Variants in CYP4F22 observed in about 807,000 individuals in gnomAD.
CYP4F22 encodes the protein ultra-long-chain fatty acid omega-hydroxylase.
CYP4F22 carries 37 observed loss-of-function variants against 60.4 expected under a neutral mutation model. That is an observed-to-expected ratio of 0.61 (90% CI 0.47 to 0.81). The LOEUF (loss-of-function observed/expected upper bound fraction) is 0.81, where lower values mean the gene tolerates loss of function less well. Among genes scored for constraint, CYP4F22 ranks in the 30% least tolerant of loss-of-function variants. The probability of loss-of-function intolerance (pLI) is 0.00; values close to 1 mark genes in which losing one functional copy is unlikely to be tolerated. For synonymous variants in CYP4F22, 258 were observed against 280.5 expected (o/e 0.92, Z 0.80); for missense variants, 655 against 715.0 (o/e 0.92, Z 0.96).
chr19:15,509,866 T>C (rs1971062794), intron 1 of CYP4F22, among the ~76,000 whole-genome samples: 2 of 95,858 alleles, frequency 2.1e-5, no homozygotes, highest in Admixed American at 1.3e-4. Context: ...CCTTCCTTCC[T>C]TCCTTCCTTC....
chr19:15,511,874 C>T (rs1022614432), intron 1 of CYP4F22, among the ~76,000 whole-genome samples: 5 of 152,344 alleles, frequency 3.3e-5, no homozygotes, highest in Middle Eastern at 3.4e-3. Flanking sequence ...CAAACCAGCG[C>T]GACCTGGGCG....
intron 4 of CYP4F22, among the ~76,000 whole-genome samples, chr19:15,535,405 G>A (rs1971384265): frequency 6.6e-6 from 1 of 152,222 alleles, no homozygotes; most frequent in Non-Finnish European, 1.5e-5. Context: ...GATTGTGTAG[G>A]CAATTGGCCA....
intron 1 of CYP4F22, chr19:15,516,809 G>T: frequency 1.9e-6 from 1 of 529,066 alleles, no homozygotes; most frequent in South Asian, 4.4e-5. Flanking sequence ...AGGTCCATGG[G>T]GTACGTGGCC....
At chr19:15,534,795 A>G (rs1971378528) in intron 4 of CYP4F22, among the ~76,000 whole-genome samples, 1 of 152,136 alleles carries the variant, frequency 6.6e-6, no homozygotes, top group Admixed American at 6.6e-5. Flanking sequence ...TGGGCCCCGA[A>G]GGATGCCTAG....
chr19:15,519,816 C>T (rs1414643054), intron 1 of CYP4F22, among the ~76,000 whole-genome samples: 4 of 152,112 alleles, frequency 2.6e-5, no homozygotes, highest in Admixed American at 6.6e-5. Flanking sequence ...ACTTTTGGGC[C>T]TGCCAAGATG....
At chr19:15,538,089 C>G in intron 7 of CYP4F22, 96 bp downstream of exon 7, 2 of 1,549,228 alleles carry the variant, frequency 1.3e-6, no homozygotes, top group Non-Finnish European at 1.8e-6. Context: ...ACAACTCTGG[C>G]CTATGGGAGC....
chr19:15,546,430 A>G (rs1971527239), intron 10 of CYP4F22, among the ~76,000 whole-genome samples: 1 of 152,208 alleles, frequency 6.6e-6, no homozygotes, highest in African/African-American at 2.4e-5. Context: ...CTAAAAATAC[A>G]AAAATTAGCT....
At chr19:15,510,336 G>C (rs533275569) in intron 1 of CYP4F22, among the ~76,000 whole-genome samples, 1 of 152,238 alleles carries the variant, frequency 6.6e-6, no homozygotes, top group Admixed American at 6.5e-5. Flanking sequence ...CAGATGGCCA[G>C]GTCACAATAA....
At chr19:15,527,011 C>T (rs944102959) in intron 3 of CYP4F22, among the ~76,000 whole-genome samples, 2 of 152,126 alleles carry the variant, frequency 1.3e-5, no homozygotes, top group Admixed American at 1.3e-4. Context: ...GCTCAGCCTC[C>T]CTGTTTTTAG....
chr19:15,534,698 T>C (rs1379630333), intron 4 of CYP4F22, among the ~76,000 whole-genome samples: 2 of 151,196 alleles, frequency 1.3e-5, no homozygotes, highest in Non-Finnish European at 2.9e-5. Flanking sequence ...AGAGTTGGAG[T>C]GGAAAAGGAA....
At chr19:15,525,596 G>A in intron 3 of CYP4F22, 38 bp downstream of exon 3, 1 of 1,586,586 alleles carries the variant, frequency 6.3e-7, no homozygotes, top group South Asian at 1.1e-5. Flanking sequence ...GGGCTGGGCT[G>A]GGCATGTGCA....
intron 12 of CYP4F22, 132 bp downstream of exon 12, chr19:15,549,334 C>T (rs1012311720): frequency 3.5e-6 from 3 of 855,004 alleles, no homozygotes; most frequent in Non-Finnish European, 5.8e-6. Context: ...GCCATTTATT[C>T]ACCCACTGAT....
rs371871311 is a variant in CYP4F22 at position 15,540,434 on chromosome 19, C to T, written c.672-16C>T. 108 of 1,613,966 alleles carry T rather than the reference C, an allele frequency of 6.7e-5. 1 individual carries two copies. The South Asian group carries it at 7.3e-4, about 11-fold the overall frequency. On this transcript the variant is annotated splice_polypyrimidine_tract_variant and intron_variant, in intron 7 of 13. Coordinates refer to ENST00000269703, the MANE Select transcript of CYP4F22 (RefSeq NM_173483.4). ...GGGGAAGGGGCTACACTCATGGATC[C>T]CCTTCTCCTTGGCAGGAAGATGAGT... is the stretch of plus-strand genomic sequence containing the variant.
chr19:15,550,447 G>T (rs147094091), intron 12 of CYP4F22, among the ~76,000 whole-genome samples: 11 of 152,340 alleles, frequency 7.2e-5, no homozygotes, highest in African/African-American at 2.6e-4. Flanking sequence ...GTTCTAGGCA[G>T]AGGAAACAGC....
intron 4 of CYP4F22, among the ~76,000 whole-genome samples, chr19:15,536,384 C>T (rs1190635772): frequency 2.0e-5 from 3 of 151,942 alleles, no homozygotes; most frequent in African/African-American, 2.4e-5. Flanking sequence ...TCTGTGACGT[C>T]GAATAGGGGG....
chr19:15,512,293 C>T (rs1027896021), intron 1 of CYP4F22, among the ~76,000 whole-genome samples: 2 of 152,130 alleles, frequency 1.3e-5, no homozygotes, highest in African/African-American at 4.8e-5. Flanking sequence ...GATTTGAACC[C>T]AGGCCTGTTG....
rs1019107759 is a variant in CYP4F22 at position 15,550,562 on chromosome 19, C to T, written c.1336-112C>T. 6 of 1,014,536 alleles carry T rather than the reference C, an allele frequency of 5.9e-6. No individual in the cohort carries two copies. In the Middle Eastern group the frequency reaches 6.1e-4, roughly 104 times the overall value. The allele number at this position is 1,014,536 out of a possible 1,614,324, so 62.8% of individuals were successfully genotyped here. A position where few individuals can be genotyped will look rare whatever the true frequency, so the allele number is the denominator to read the frequency against. Reference sequence around the variant, plus strand: ...GTGCAAGGTGGAATGGAAGAGGTGGCCCTGGGGTGCTCCCCATCCATCTTT... The same window carrying T: ...GTGCAAGGTGGAATGGAAGAGGTGGTCCTGGGGTGCTCCCCATCCATCTTT... On this transcript the variant is annotated intron_variant, in intron 12 of 13. Coordinates refer to ENST00000269703, the MANE Select transcript of CYP4F22 (RefSeq NM_173483.4).
chr19:15,547,018 G>GTTTTGTTTTTTTTT (rs1555730099), intron 10 of CYP4F22, among the ~76,000 whole-genome samples: 1 of 82,312 alleles, frequency 1.2e-5, no homozygotes, highest in Admixed American at 1.6e-4. Context: ...GCCTGCACCA[G>GTTTTGTTTTTTTTT]TTTTTTTTTT....
intron 1 of CYP4F22, among the ~76,000 whole-genome samples, chr19:15,512,446 C>T (rs531290878): frequency 1.4e-4 from 22 of 152,278 alleles, no homozygotes; most frequent in African/African-American, 4.8e-4. Context: ...GCTGGGGCTA[C>T]AGGCATCCAC....
Sources: gnomAD v4.1 joint callset for allele counts (sites outside exome capture counted in the v4.1 genomes callset) on GRCh38, gnomAD v4.1.1 for gene constraint, MANE v1.5 for transcripts, NCBI Gene and HGNC (gene_info 2026-07-23, HGNC 2026-07-21) for gene names.